CAST: variants seen among roughly 807,000 people sequenced by gnomAD.
CAST encodes the protein MIR583 host.
In CAST, 76 loss-of-function variants were observed where a neutral mutation model predicts 119.6. The ratio of observed to expected loss-of-function variants is 0.64; its 90% CI spans 0.53 to 0.77. The LOEUF is 0.77. Ranked by LOEUF, CAST falls within the 30% of genes least tolerant of loss-of-function variation. The pLI is 0.00. For synonymous variants in CAST, 319 were observed against 331.6 expected (o/e 0.96, Z 0.41); for missense variants, 953 against 946.5 (o/e 1.01, Z -0.09).
intron 29 of CAST, 196 bp from the exon 30 acceptor site, chr5:96,770,335 T>C: frequency 1.8e-6 from 1 of 543,794 alleles, no homozygotes; most frequent in Non-Finnish European, 3.3e-6. Flanking sequence ...TCCTTATTTC[T>C]ATCCTTTTTC....
At chr5:96,087,130 CT>C in the CAST span, among the ~76,000 whole-genome samples, 1 of 152,208 alleles carries the variant, frequency 6.6e-6, no homozygotes, top group African/African-American at 2.4e-5. Flanking sequence ...ACATGATTTG[CT>C]TTCATATAAC....
chr5:96,230,041 C>A, the CAST span, among the ~76,000 whole-genome samples: 3 of 152,130 alleles, frequency 2.0e-5, no homozygotes, highest in Non-Finnish European at 4.4e-5. Context: ...TTCTTGTGCT[C>A]AAACATACTA....
chr5:96,164,294 A>G, the CAST span, among the ~76,000 whole-genome samples: 1 of 152,264 alleles, frequency 6.6e-6, no homozygotes, highest in Non-Finnish European at 1.5e-5. Context: ...GAAATGTATG[A>G]GAGATGAGAC....
chr5:96,760,552 T>C (rs1767574313), intron 24 of CAST, among the ~76,000 whole-genome samples: 2 of 151,822 alleles, frequency 1.3e-5, no homozygotes, highest in African/African-American at 2.4e-5. Flanking sequence ...TAACAACACA[T>C]GAAAAAAATG....
chr5:96,056,511 G>A, the CAST span, among the ~76,000 whole-genome samples: 3 of 152,148 alleles, frequency 2.0e-5, no homozygotes, highest in Non-Finnish European at 4.4e-5. Context: ...TTTTATTGGG[G>A]AGTTCTTGAG....
At chr5:96,629,545 T>C (rs1017314659) in intron 1 of CAST, among the ~76,000 whole-genome samples, 1 of 152,244 alleles carries the variant, frequency 6.6e-6, no homozygotes, top group African/African-American at 2.4e-5. Flanking sequence ...TGTCTCAGCA[T>C]CTTCTTGCTA....
the CAST span, among the ~76,000 whole-genome samples, chr5:96,265,890 A>G: frequency 6.6e-6 from 1 of 152,074 alleles, no homozygotes; most frequent in Non-Finnish European, 1.5e-5. Flanking sequence ...TTCTTATCCT[A>G]CTTTTTCACT....
At chr5:96,722,208 T>C (rs368179111) in intron 3 of CAST, among the ~76,000 whole-genome samples, 1 of 152,228 alleles carries the variant, frequency 6.6e-6, no homozygotes, top group African/African-American at 2.4e-5. Context: ...AGCTTGTAAC[T>C]GACAGAGCTG....
chr5:96,419,434 T>C, the CAST span, among the ~76,000 whole-genome samples: 24 of 147,986 alleles, frequency 1.6e-4, no homozygotes, highest in South Asian at 4.2e-3. Flanking sequence ...TCTCTCTCTC[T>C]CCCTCTCTCT....
Position 96,662,502 on chromosome 5 carries a change from G to T in CAST, c.75+5G>T. Reference sequence around the variant, plus strand: ...GCCGCCCGCCGCACCCATGAGGTGAGTGGCGCTCCTGTCGGCGTCGCGGGG... The same window carrying T: ...GCCGCCCGCCGCACCCATGAGGTGATTGGCGCTCCTGTCGGCGTCGCGGGG... On this transcript the variant is annotated splice_donor_5th_base_variant and intron_variant, in intron 1 of 31. Coordinates refer to ENST00000675179, the MANE Select transcript of CAST (RefSeq NM_001750.7). 7.2e-7 allele frequency: 1 copy of T among 1,389,142 alleles called. No individual in the cohort carries two copies. Among genetic ancestry groups the T allele is most frequent in the Non-Finnish European group, 9.3e-7 (1 of 1,078,568 alleles). The allele number at this position is 1,389,142 out of a possible 1,614,324, so 86.1% of individuals were successfully genotyped here.
rs368308809 is a variant in CAST, at chr5:96,770,505, G to A, written c.2269-26G>A. On this transcript the variant is annotated intron_variant, in intron 29 of 31. Coordinates refer to ENST00000675179, the MANE Select transcript of CAST (RefSeq NM_001750.7). The stretch of plus-strand genomic sequence containing the variant: ...GCTAGATGGATTGGTGATAGCCATA[G>A]CCTCATTACATTTCCTTTGCTTTAG... The A allele has an allele frequency of 1.5e-5, 23 of 1,528,302 alleles. No individual in the cohort carries two copies. The East Asian group carries it at 5.0e-4, about 33-fold the overall frequency. The allele number at this position is 1,528,302 out of a possible 1,614,324, so 94.7% of individuals were successfully genotyped here.
chr5:96,295,565 A>G, the CAST span, among the ~76,000 whole-genome samples: 2 of 152,182 alleles, frequency 1.3e-5, no homozygotes, highest in Non-Finnish European at 1.5e-5. Context: ...ATCTTTACTA[A>G]CTTAGTCATC....
chr5:96,377,766 C>T, the CAST span, among the ~76,000 whole-genome samples: 1 of 152,066 alleles, frequency 6.6e-6, no homozygotes, highest in East Asian at 1.9e-4. Context: ...TAATACTATT[C>T]ACACTGTATG....
the CAST span, among the ~76,000 whole-genome samples, chr5:96,001,458 C>T: frequency 1.3e-5 from 2 of 152,282 alleles, no homozygotes; most frequent in South Asian, 4.1e-4. Flanking sequence ...AGAGGAATTT[C>T]AGCCTGCTAG....
chr5:96,365,431 G>A, the CAST span, among the ~76,000 whole-genome samples: 2 of 152,146 alleles, frequency 1.3e-5, no homozygotes, highest in African/African-American at 4.8e-5. Context: ...GCATGTTAAA[G>A]TCTCCCATTA....
chr5:96,702,143 A>G (rs1753982524), intron 3 of CAST, among the ~76,000 whole-genome samples: 2 of 152,218 alleles, frequency 1.3e-5, no homozygotes, highest in Non-Finnish European at 2.9e-5. Context: ...TTCAGGGTTC[A>G]GAGCCTTTAA....
the CAST span, among the ~76,000 whole-genome samples, chr5:96,291,002 A>G: frequency 6.6e-6 from 1 of 152,212 alleles, no homozygotes; most frequent in Non-Finnish European, 1.5e-5. Context: ...GAAAACAGCC[A>G]CCATGTTCTG....
At chr5:96,206,125 G>A in the CAST span, among the ~76,000 whole-genome samples, 2 of 151,702 alleles carry the variant, frequency 1.3e-5, no homozygotes, top group African/African-American at 2.4e-5. Context: ...CTTTTGAAAC[G>A]TGTTTATGTC....
the CAST span, among the ~76,000 whole-genome samples, chr5:96,374,444 A>C: frequency 4.6e-5 from 7 of 152,152 alleles, no homozygotes; most frequent in South Asian, 4.1e-4. Flanking sequence ...AGCATCCTGG[A>C]CTGAAATAAT....
Sources: allele counts gnomAD v4.1 joint callset (sites outside exome capture counted in the v4.1 genomes callset), GRCh38; gene constraint gnomAD v4.1.1; transcripts MANE v1.5; gene names NCBI Gene and HGNC (gene_info 2026-07-23, HGNC 2026-07-21).